WWOX: variants seen among roughly 807,000 people sequenced by gnomAD.
The protein encoded by WWOX is WW domain containing oxidoreductase.
In WWOX, 69 loss-of-function variants were observed where a neutral mutation model predicts 46.2. The ratio of observed to expected loss-of-function variants is 1.49; its 90% CI spans 1.23 to 1.82. WWOX has a LOEUF of 1.82. Among genes scored for constraint, WWOX ranks in the 40% most tolerant of loss-of-function variants. The probability of loss-of-function intolerance (pLI) is 0.00; values close to 1 mark genes in which losing one functional copy is unlikely to be tolerated. For missense variants in WWOX, 919 were observed against 542.6 expected (o/e 1.69, Z -6.89); for synonymous variants, 359 against 202.6 (o/e 1.77, Z -6.56).
chr16:79,064,421 GATA>G (rs2048406709), intron 8 of WWOX, among the ~76,000 whole-genome samples: 1 of 152,312 alleles, frequency 6.6e-6, no homozygotes, highest in African/African-American at 2.4e-5. Context: ...GATTAAATGA[GATA>G]ATGCGTGAAA....
chr16:78,548,670 A>C (rs970463194), intron 8 of WWOX, among the ~76,000 whole-genome samples: 8 of 152,204 alleles, frequency 5.3e-5, no homozygotes, highest in African/African-American at 1.9e-4. Context: ...CCTGCCACAG[A>C]AGTGATTCCA....
chr16:78,644,087 T>C (rs2046785668), intron 8 of WWOX, among the ~76,000 whole-genome samples: 1 of 152,078 alleles, frequency 6.6e-6, no homozygotes, highest in African/African-American at 2.4e-5. Context: ...CCAGACATGG[T>C]GGTGCATGCC....
rs190370084 is a variant in WWOX, at chr16:78,325,543, C to T, written c.517-61317C>T. ...CACCGTGATGGAGAGGTGCGATTTC[C>T]CTCCACATAATCTTCAGTTAGTGAT... On this transcript the variant is annotated intron_variant, in intron 5 of 8. Transcript: ENST00000566780. Among the ~76,000 whole-genome samples, 75 of 152,176 alleles carry T rather than the reference C, an allele frequency of 4.9e-4. 1 individual carries two copies. Among genetic ancestry groups the T allele is most frequent in the African/African-American group, 1.7e-3 (72 of 41,518 alleles).
chr16:78,707,099 C>A (rs76823993), intron 8 of WWOX, among the ~76,000 whole-genome samples: 1,871 of 152,282 alleles, frequency 0.012, 25 homozygotes, highest in Non-Finnish European at 0.021. Flanking sequence ...AATTGACATC[C>A]AGGTTATCAC....
intron 8 of WWOX, among the ~76,000 whole-genome samples, chr16:78,915,012 C>T (rs1001178978): frequency 1.3e-5 from 2 of 151,956 alleles, no homozygotes; most frequent in Non-Finnish European, 2.9e-5. Context: ...GTGGTTCACA[C>T]CAAAAACATA....
At chr16:78,655,946 T>G (rs1186809678) in intron 8 of WWOX, among the ~76,000 whole-genome samples, 1 of 152,068 alleles carries the variant, frequency 6.6e-6, no homozygotes, top group Non-Finnish European at 1.5e-5. Context: ...AAATCCACAA[T>G]GCACAGCCTG....
At chr16:78,509,913 C>T (rs898287668) in intron 8 of WWOX, among the ~76,000 whole-genome samples, 5 of 129,946 alleles carry the variant, frequency 3.8e-5, no homozygotes, top group Non-Finnish European at 8.2e-5. Context: ...CATAGTGAGA[C>T]CTCATCTCTT....
rs191458634 is a variant in WWOX, at chr16:78,882,995, G to T, written c.1057-328613G>T. 2.5e-4 allele frequency among the ~76,000 whole-genome samples: 38 copies of T among 152,214 alleles called. 1 individual carries two copies. Among genetic ancestry groups the T allele is most frequent in the Admixed American group, 2.4e-3 (37 of 15,288 alleles). On this transcript the variant is annotated intron_variant, in intron 8 of 8. Transcript: ENST00000566780. Reference sequence around the variant, plus strand: ...GAACTGTGAGTGACATGTTTCTTTGGCTGCTCCCGACACAAGGAACTGCAA... The same window carrying T: ...GAACTGTGAGTGACATGTTTCTTTGTCTGCTCCCGACACAAGGAACTGCAA...
At chr16:79,026,213 C>G (rs1425085180) in intron 8 of WWOX, among the ~76,000 whole-genome samples, 1 of 151,696 alleles carries the variant, frequency 6.6e-6, no homozygotes, top group Non-Finnish European at 1.5e-5. Context: ...CCCTAGAGGC[C>G]CTTTTCAGCC....
chr16:78,575,051 ATATATATATAT>A (rs2044835083), intron 8 of WWOX, among the ~76,000 whole-genome samples: 2 of 12,336 alleles, frequency 1.6e-4, no homozygotes, highest in Admixed American at 1.3e-3. Context: ...ATATATATAT[ATATATATATAT>A]ATATATATAT....
chr16:78,872,276 A>C (rs181370075), intron 8 of WWOX, among the ~76,000 whole-genome samples: 209 of 152,328 alleles, frequency 1.4e-3, no homozygotes, highest in Non-Finnish European at 2.1e-3. Flanking sequence ...AATTTCTCCA[A>C]GTCTCAGTTT....
chr16:78,365,204 G>T (rs181139451), intron 5 of WWOX, among the ~76,000 whole-genome samples: 1 of 152,318 alleles, frequency 6.6e-6, no homozygotes, highest in African/African-American at 2.4e-5. Flanking sequence ...TTTAGTGCCT[G>T]CCAAGAGTAA....
At chr16:78,267,972 C>T (rs943967381) in intron 5 of WWOX, among the ~76,000 whole-genome samples, 8 of 152,098 alleles carry the variant, frequency 5.3e-5, no homozygotes, top group Non-Finnish European at 8.8e-5. Context: ...TGCGTGCCCC[C>T]ACGCCTGGCT....
At chr16:78,891,337 T>G (rs1204720475) in intron 8 of WWOX, 2 of 152,146 alleles carry the variant, frequency 1.3e-5, no homozygotes, top group Non-Finnish European at 2.9e-5. Flanking sequence ...CTCCTTTCTG[T>G]AAGGACTCTA....
At chr16:78,928,272 G>A (rs1369459255) in intron 8 of WWOX, among the ~76,000 whole-genome samples, 1 of 147,092 alleles carries the variant, frequency 6.8e-6, no homozygotes, top group African/African-American at 2.5e-5. Context: ...GCGCGATCTC[G>A]GCTCACTGCA....
intron 8 of WWOX, among the ~76,000 whole-genome samples, chr16:78,770,002 C>T (rs959509385): frequency 2.0e-5 from 3 of 151,954 alleles, no homozygotes; most frequent in East Asian, 1.9e-4. Context: ...TATGATCTCA[C>T]CTCTGTACTA....
At chr16:78,902,995 G>A (rs556606141) in intron 8 of WWOX, among the ~76,000 whole-genome samples, 62 of 152,220 alleles carry the variant, frequency 4.1e-4, no homozygotes, top group East Asian at 7.7e-4. Flanking sequence ...GAGGGTGTCC[G>A]GGTTCTTGGC....
At chr16:78,549,179 G>A (rs2044118385) in intron 8 of WWOX, among the ~76,000 whole-genome samples, 1 of 152,118 alleles carries the variant, frequency 6.6e-6, no homozygotes, top group Non-Finnish European at 1.5e-5. Context: ...TCGTAAAGGA[G>A]GGACAATAGA....
intron 8 of WWOX, among the ~76,000 whole-genome samples, chr16:78,851,035 A>T (rs912425411): frequency 6.6e-6 from 1 of 152,180 alleles, no homozygotes; most frequent in African/African-American, 2.4e-5. Context: ...AATGTATTAC[A>T]TGTGAGTTAT....
Sources: allele counts gnomAD v4.1 joint callset (sites outside exome capture counted in the v4.1 genomes callset), GRCh38; gene constraint gnomAD v4.1.1; transcripts MANE v1.5; gene names NCBI Gene and HGNC (gene_info 2026-07-23, HGNC 2026-07-21).